Variants in DYNLT2 observed in about 807,000 individuals in gnomAD.
The protein encoded by DYNLT2 is dynein light chain Tctex-type 2, also known as dynein light chain Tctex-type protein 2.
DYNLT2 carries 24 observed loss-of-function variants against 24.3 expected under a neutral mutation model. The observed-to-expected ratio is 0.99, with a 90% CI of 0.71 to 1.39. DYNLT2 has a LOEUF of 1.39. DYNLT2 is among the 40% of genes most tolerant of loss of function. The pLI is 0.00. For synonymous variants in DYNLT2, 85 were observed against 85.4 expected (o/e 1.00, Z 0.03); for missense variants, 246 against 234.5 (o/e 1.05, Z -0.32).
At chr6:169,747,955 G>A (rs1789847419) in intron 1 of DYNLT2, among the ~76,000 whole-genome samples, 1 of 152,138 alleles carries the variant, frequency 6.6e-6, no homozygotes, top group African/African-American at 2.4e-5. Context: ...CTTTAGCCTT[G>A]CTTCTCAACC....
chr6:169,735,101 G>A, the DYNLT2 span, among the ~76,000 whole-genome samples: 4 of 151,986 alleles, frequency 2.6e-5, no homozygotes, highest in Admixed American at 2.0e-4. Flanking sequence ...ATTCTCTAAT[G>A]GTAATTTGTA....
chr6:169,727,780 G>A, the DYNLT2 span, among the ~76,000 whole-genome samples: 1 of 152,142 alleles, frequency 6.6e-6, no homozygotes, highest in East Asian at 1.9e-4. Flanking sequence ...AGCCAGGATG[G>A]TCTCGATCTC....
intron 1 of DYNLT2, among the ~76,000 whole-genome samples, chr6:169,746,600 GTTAC>G (rs1339430788): frequency 2.6e-5 from 4 of 152,020 alleles, no homozygotes; most frequent in Admixed American, 2.6e-4. Flanking sequence ...ATTAATCATA[GTTAC>G]TTAAATTGTG....
Position 169,751,401 on chromosome 6 carries a change from G to A in DYNLT2, c.58C>T (p.Pro20Ser), listed in dbSNP as rs1381392714. The change falls in exon 1 of 4, where the codon CCT becomes TCT. Residue 20 changes from proline (P) to serine (S), a missense_variant. Transcript: ENST00000366774. The stretch of plus-strand genomic sequence containing the variant: ...CTAGGCGTCACCGGAGCCTGCTGAG[G>A]GGTCTGGTTCGGGGTCTGGATGGGG... ...SSPIQTPNQT[P>S]QQAPVTPRKE... is the part of the protein sequence containing the mutation. 5 of 1,614,110 alleles carry A rather than the reference G, an allele frequency of 3.1e-6. No homozygotes were observed. The highest frequency in any genetic ancestry group is 1.7e-5 in the Admixed American group (1 of 60,036).
downstream of DYNLT2, chr6:169,738,704 C>CA (rs1789611029): frequency 6.6e-6 from 1 of 152,352 alleles, no homozygotes. Context: ...GAGCCTCCTA[C>CA]ATGGTGCTGC....
At chr6:169,725,519 T>A in the DYNLT2 span, 1 of 394,232 alleles carries the variant, frequency 2.5e-6, no homozygotes, top group Non-Finnish European at 4.5e-6. Context: ...CGTTCTTGCC[T>A]CTGTCCCACC....
At chr6:169,740,459 C>T (rs1294963706) in intron 3 of DYNLT2, among the ~76,000 whole-genome samples, 164 bp from the exon 4 acceptor site, 2 of 152,144 alleles carry the variant, frequency 1.3e-5, no homozygotes, top group Non-Finnish European at 2.9e-5. Context: ...TGGAGAATGA[C>T]GCTGCCCCAG....
chr6:169,743,925 C>T (rs1177697364), intron 2 of DYNLT2, 143 bp downstream of exon 2: 3 of 745,090 alleles, frequency 4.0e-6, no homozygotes, highest in Non-Finnish European at 6.5e-6. Flanking sequence ...ACTTGTTGTG[C>T]CTGCACCAAT....
chr6:169,739,990 T>C (rs1789640548), downstream of DYNLT2: 1 of 526,058 alleles, frequency 1.9e-6, no homozygotes, highest in South Asian at 3.0e-5. Context: ...GGCATAATAT[T>C]ATGTTAGTTA....
chr6:169,735,497 G>T (rs529032443), downstream of DYNLT2, among the ~76,000 whole-genome samples: 7 of 152,142 alleles, frequency 4.6e-5, no homozygotes, highest in South Asian at 2.1e-4. Flanking sequence ...TGTTCTCATT[G>T]GTTTCAAATA....
At chr6:169,747,042 G>A (rs151130904) in intron 1 of DYNLT2, among the ~76,000 whole-genome samples, 24 of 151,304 alleles carry the variant, frequency 1.6e-4, no homozygotes, top group African/African-American at 5.8e-4. Flanking sequence ...GGACTTTAAG[G>A]AAGCTGGAAG....
intron 3 of DYNLT2, among the ~76,000 whole-genome samples, chr6:169,741,165 C>A (rs1453214363): frequency 2.6e-5 from 4 of 152,164 alleles, no homozygotes; most frequent in Non-Finnish European, 5.9e-5. Context: ...TATGTCCCCA[C>A]CCTGTGAATA....
downstream of DYNLT2, among the ~76,000 whole-genome samples, chr6:169,735,305 G>A (rs2128334495): frequency 6.6e-6 from 1 of 151,936 alleles, no homozygotes; most frequent in East Asian, 1.9e-4. Context: ...TCTGATGTTA[G>A]TTATTTTTTG....
chr6:169,744,309 C>CAG, intron 1 of DYNLT2, 35 bp from the exon 2 acceptor site: 5 of 1,565,166 alleles, frequency 3.2e-6, no homozygotes, highest in Non-Finnish European at 4.4e-6. Flanking sequence ...GAGAGAAAGG[C>CAG]AGAAAGATTA....
intron 1 of DYNLT2, among the ~76,000 whole-genome samples, chr6:169,745,429 T>C (rs1789775357): frequency 6.6e-6 from 1 of 152,194 alleles, no homozygotes; most frequent in South Asian, 2.1e-4. Context: ...ATATAGAGCT[T>C]TTATTAGGTT....
intron 2 of DYNLT2, among the ~76,000 whole-genome samples, chr6:169,743,629 A>G (rs377509279): frequency 6.6e-6 from 1 of 152,182 alleles, no homozygotes; most frequent in East Asian, 1.9e-4. Flanking sequence ...TGGTTTTCTT[A>G]TACTGAAGAT....
At chr6:169,744,816 T>C (rs1045157540) in intron 1 of DYNLT2, among the ~76,000 whole-genome samples, 1 of 152,218 alleles carries the variant, frequency 6.6e-6, no homozygotes, top group Non-Finnish European at 1.5e-5. Flanking sequence ...GCTTTTGACA[T>C]GAAACATCCA....
chr6:169,743,979 T>C (rs1789735591), intron 2 of DYNLT2, 89 bp downstream of exon 2: 1 of 1,288,434 alleles, frequency 7.8e-7, no homozygotes, highest in African/African-American at 1.5e-5. Flanking sequence ...ATGAGCCAAT[T>C]CCTGGAATAA....
the DYNLT2 span, among the ~76,000 whole-genome samples, chr6:169,729,699 G>A: frequency 3.3e-5 from 5 of 152,094 alleles, no homozygotes; most frequent in African/African-American, 1.2e-4. Context: ...ATTTACATGA[G>A]GTCACGAGAG....
Sources: gnomAD v4.1 joint callset for allele counts (sites outside exome capture counted in the v4.1 genomes callset) on GRCh38, gnomAD v4.1.1 for gene constraint, MANE v1.5 for transcripts, NCBI Gene and HGNC (gene_info 2026-07-23, HGNC 2026-07-21) for gene names.